CFAP299: variants seen among roughly 807,000 people sequenced by gnomAD.
The protein encoded by CFAP299 is cilia- and flagella-associated protein 299.
In CFAP299, 21 loss-of-function variants were observed where a neutral mutation model predicts 27.0. The ratio of observed to expected loss-of-function variants is 0.78; its 90% CI spans 0.55 to 1.12. The LOEUF (loss-of-function observed/expected upper bound fraction) is 1.12, where lower values mean the gene tolerates loss of function less well. CFAP299 is among the 50% of genes most tolerant of loss of function. CFAP299 has a pLI of 0.00. For missense variants in CFAP299, 310 were observed against 276.6 expected, an observed-to-expected ratio of 1.12 and a Z score of -0.86; for synonymous variants, 104 against 98.1, an observed-to-expected ratio of 1.06 and a Z score of -0.36.
At chr4:80,331,147 T>C, upstream of CFAP299, among the ~76,000 whole-genome samples, 1 of 152,152 alleles carries the variant, frequency 6.6e-6, no homozygotes, top group East Asian at 1.9e-4. Flanking sequence ...AAGAATGTCC[T>C]AGGCAGAGGG....
At chr4:80,461,454 G>A (rs1729433167) in intron 2 of CFAP299, among the ~76,000 whole-genome samples, 1 of 152,098 alleles carries the variant, frequency 6.6e-6, no homozygotes, top group Non-Finnish European at 1.5e-5. Context: ...AAAATACTTA[G>A]ATTTCTTTCA....
chr4:80,824,107 T>G (rs1483231854), intron 3 of CFAP299, among the ~76,000 whole-genome samples: 1 of 152,128 alleles, frequency 6.6e-6, no homozygotes, highest in African/African-American at 2.4e-5. Flanking sequence ...TCTAATAGGT[T>G]GATGGAGTAG....
At chr4:80,622,430 A>C (rs1359915322) in intron 3 of CFAP299, among the ~76,000 whole-genome samples, 1 of 152,162 alleles carries the variant, frequency 6.6e-6, no homozygotes, top group Non-Finnish European at 1.5e-5. Flanking sequence ...CAGAATATTG[A>C]TTAGCATTCT....
rs1168615793 is a variant in CFAP299, at chr4:80,894,245, A to G, written c.476+24110A>G. ...TTTACAGGGATGTAAAAAAAAAGAG[A>G]ATCTTTGTACATTATGAAGGCTAAA... is the stretch of plus-strand genomic sequence containing the variant. On this transcript the variant is annotated intron_variant, in intron 4 of 5. Coordinates refer to ENST00000358105, the MANE Select transcript of CFAP299 (RefSeq NM_152770.3). 5.3e-5 allele frequency among the ~76,000 whole-genome samples: 8 copies of G among 151,942 alleles called. No individual in the cohort carries two copies. In the East Asian group the frequency reaches 1.3e-3, roughly 26 times the overall value.
chr4:80,426,952 A>G (rs1727558788), intron 2 of CFAP299, among the ~76,000 whole-genome samples: 1 of 152,182 alleles, frequency 6.6e-6, no homozygotes, highest in Non-Finnish European at 1.5e-5. Context: ...TTATGTTGAT[A>G]TCTAGGTTTC....
chr4:80,349,032 A>C (rs955517977), intron 1 of CFAP299, among the ~76,000 whole-genome samples: 2 of 152,142 alleles, frequency 1.3e-5, no homozygotes, highest in African/African-American at 4.8e-5. Flanking sequence ...TCACACTGAG[A>C]CCTGCAAGGA....
chr4:80,831,899 T>C (rs901436342), intron 3 of CFAP299, among the ~76,000 whole-genome samples: 20 of 152,182 alleles, frequency 1.3e-4, no homozygotes, highest in Non-Finnish European at 2.6e-4. Flanking sequence ...ACATGAATCC[T>C]TGAATCATCA....
At chr4:80,659,915 A>T (rs1387523670) in intron 3 of CFAP299, among the ~76,000 whole-genome samples, 1 of 152,118 alleles carries the variant, frequency 6.6e-6, no homozygotes, top group Non-Finnish European at 1.5e-5. Context: ...CTATTATTCA[A>T]CCCTTAGTAA....
At position 80,556,771 on chromosome 4, in the gene CFAP299, C is replaced by G. The variant is rs76280741; in HGVS notation, c.243-26322C>G. Among the ~76,000 whole-genome samples the G allele has an allele frequency of 6.0e-3, 907 of 151,902 alleles. 25 individuals carry two copies. The East Asian group carries it at 0.085, about 14-fold the overall frequency. On this transcript the variant is annotated intron_variant, in intron 2 of 5. Transcript: ENST00000358105. ...ACTATAAAATTGTCATTCAAGTAGC[C>G]AAAATTATGTTTACTCCTCATAGAG...
chr4:80,786,763 G>T (rs891093325), intron 3 of CFAP299, among the ~76,000 whole-genome samples: 3 of 152,158 alleles, frequency 2.0e-5, no homozygotes, highest in African/African-American at 7.2e-5. Context: ...AGCCACTGGA[G>T]GCCCCAGAGT....
At position 80,803,762 on chromosome 4, in the gene CFAP299, A is replaced by G. The variant is rs533207313; in HGVS notation, c.334-66231A>G. The stretch of plus-strand genomic sequence containing the variant: ...ATATTTTATTTAACTAAATATCTAT[A>G]AAATATTATATTTTCTGCAACGTTT... On this transcript the variant is annotated intron_variant, in intron 3 of 5. Transcript: ENST00000358105. Among the ~76,000 whole-genome samples, 187 of 150,188 alleles carry G rather than the reference A, an allele frequency of 1.2e-3. 1 individual carries two copies. The highest frequency in any genetic ancestry group is 4.2e-3 in the African/African-American group (172 of 41,212).
chr4:80,446,407 C>A (rs1198460046), intron 2 of CFAP299, among the ~76,000 whole-genome samples: 2 of 152,238 alleles, frequency 1.3e-5, no homozygotes, highest in Admixed American at 1.3e-4. Context: ...TATCTGCCAA[C>A]AGCAATCTCA....
At chr4:80,673,276 TC>T (rs1294607935) in intron 3 of CFAP299, among the ~76,000 whole-genome samples, 1 of 152,208 alleles carries the variant, frequency 6.6e-6, no homozygotes, top group East Asian at 1.9e-4. Flanking sequence ...TACCCAGTAG[TC>T]ACTCAGGAGC....
At chr4:80,789,555 G>A (rs1727434566) in intron 3 of CFAP299, among the ~76,000 whole-genome samples, 1 of 152,030 alleles carries the variant, frequency 6.6e-6, no homozygotes, top group African/African-American at 2.4e-5. Flanking sequence ...ATATAGATAA[G>A]TGTTCAATTA....
intron 2 of CFAP299, among the ~76,000 whole-genome samples, chr4:80,560,332 GC>G: frequency 6.6e-6 from 1 of 152,034 alleles, no homozygotes; most frequent in South Asian, 2.1e-4. Context: ...TATGTCAAGG[GC>G]CTTGGTGAGC....
chr4:80,864,175 T>C (rs1236905201), intron 3 of CFAP299, among the ~76,000 whole-genome samples: 1 of 151,950 alleles, frequency 6.6e-6, no homozygotes, highest in Non-Finnish European at 1.5e-5. Flanking sequence ...TATACTTAAA[T>C]AAAGCTTTTA....
chr4:80,656,910 T>A (rs935058712), intron 3 of CFAP299, among the ~76,000 whole-genome samples: 3 of 152,184 alleles, frequency 2.0e-5, no homozygotes, highest in Admixed American at 2.0e-4. Context: ...TTTTTAATGA[T>A]CACCATTCTA....
In CFAP299 at chr4:80,555,430, T is replaced by C. The variant is rs578137624; in HGVS notation, c.243-27663T>C. Among the ~76,000 whole-genome samples, 8 of 152,282 alleles carry C rather than the reference T, an allele frequency of 5.3e-5. No individual in the cohort carries two copies. In the East Asian group the frequency reaches 1.5e-3, roughly 29 times the overall value. ...TTTGTTAAGGAGTTTTACATTGATGTTCATCAAAAGATACTGGCATAAAGT... is the reference window on the plus strand; with the variant it reads ...TTTGTTAAGGAGTTTTACATTGATGCTCATCAAAAGATACTGGCATAAAGT... On this transcript the variant is annotated intron_variant, in intron 2 of 5. Coordinates refer to ENST00000358105, the MANE Select transcript of CFAP299 (RefSeq NM_152770.3).
intron 3 of CFAP299, among the ~76,000 whole-genome samples, chr4:80,841,233 G>A (rs1730846322): frequency 6.6e-6 from 1 of 152,086 alleles, no homozygotes; most frequent in Non-Finnish European, 1.5e-5. Context: ...ACTGAGGTAA[G>A]CATCTTAATT....
Sources: allele counts gnomAD v4.1 joint callset (sites outside exome capture counted in the v4.1 genomes callset), GRCh38; gene constraint gnomAD v4.1.1; transcripts MANE v1.5; gene names NCBI Gene and HGNC (gene_info 2026-07-23, HGNC 2026-07-21).